NME9: variants seen among roughly 807,000 people sequenced by gnomAD.
NME9 encodes the protein thioredoxin domain-containing protein 6.
NME9 carries 48 observed loss-of-function variants against 44.4 expected under a neutral mutation model. The observed-to-expected ratio is 1.08, with a 90% confidence interval of 0.86 to 1.37. The LOEUF (loss-of-function observed/expected upper bound fraction) is 1.37, where lower values mean the gene tolerates loss of function less well. NME9 is among the 40% of genes most tolerant of loss of function. NME9 has a pLI of 0.00. For synonymous variants in NME9, 139 were observed against 147.1 expected (o/e 0.94, Z 0.40); for missense variants, 325 against 405.2 (o/e 0.80, Z 1.70).
intron 6 of NME9, among the ~76,000 whole-genome samples, chr3:138,308,948 A>G (rs201598588): frequency 0.039 from 5,329 of 135,544 alleles, 59 homozygotes; most frequent in South Asian, 0.082. Context: ...ACTGAAAGAA[A>G]AAAAAAAAAA....
intron 8 of NME9, among the ~76,000 whole-genome samples, chr3:138,283,759 T>G (rs2050148967): frequency 6.6e-6 from 1 of 152,216 alleles, no homozygotes; most frequent in South Asian, 2.1e-4. Flanking sequence ...AGTGCAGTGG[T>G]TGTCCTCAAG....
rs375862913 is a variant in NME9 at position 138,279,935 on chromosome 3, C to T, written c.746-17349G>A. Among the ~76,000 whole-genome samples the T allele has an allele frequency of 1.2e-3, 185 of 151,746 alleles. 1 individual carries two copies. The highest frequency in any genetic ancestry group is 3.7e-3 in the African/African-American group (152 of 41,362). On this transcript the variant is annotated intron_variant, in intron 8 of 8. Transcript: ENST00000317876. ...TTTTTTTTTCTTGGAGACAGAGTCTCGCTGTGTCACCCAGGCTGGAGTGCA... is the reference window on the plus strand; with the variant it reads ...TTTTTTTTTCTTGGAGACAGAGTCTTGCTGTGTCACCCAGGCTGGAGTGCA...
chr3:138,274,332 G>T, intron 8 of NME9: 1 of 662,702 alleles, frequency 1.5e-6, no homozygotes, highest in Non-Finnish European at 2.6e-6. Flanking sequence ...AGTTCTATAT[G>T]CTATAGTGTT....
At chr3:138,303,030 G>C (rs1215247827) in intron 10 of NME9, among the ~76,000 whole-genome samples, 1 of 152,212 alleles carries the variant, frequency 6.6e-6, no homozygotes, top group Non-Finnish European at 1.5e-5. Context: ...CTAAACAACG[G>C]TCATGCATTG....
chr3:138,271,608 A>G (rs756001951), intron 8 of NME9, among the ~76,000 whole-genome samples: 1 of 152,136 alleles, frequency 6.6e-6, no homozygotes, highest in African/African-American at 2.4e-5. Flanking sequence ...TCTCTCTGCA[A>G]AATATAAAAC....
intron 8 of NME9, among the ~76,000 whole-genome samples, chr3:138,279,576 C>T (rs1054745066): frequency 7.9e-5 from 12 of 151,960 alleles, no homozygotes; most frequent in African/African-American, 9.7e-5. Context: ...TGGAGGTGTT[C>T]GCTCTTCAAT....
At chr3:138,287,199 C>T (rs1227608130) in intron 8 of NME9, among the ~76,000 whole-genome samples, 2 of 152,228 alleles carry the variant, frequency 1.3e-5, no homozygotes, top group Admixed American at 1.3e-4. Flanking sequence ...GGCTTCCTCT[C>T]AACACAGAAT....
At chr3:138,319,849 A>T (rs998995226) in intron 2 of NME9, among the ~76,000 whole-genome samples, 20 of 152,226 alleles carry the variant, frequency 1.3e-4, no homozygotes, top group Admixed American at 2.0e-4. Flanking sequence ...CTTTATCTTA[A>T]GGGTTCTTCA....
intron 1 of NME9, among the ~76,000 whole-genome samples, chr3:138,326,778 T>C (rs2108469887): frequency 6.6e-6 from 1 of 151,976 alleles, no homozygotes; most frequent in Non-Finnish European, 1.5e-5. Flanking sequence ...TGTGTCCCTC[T>C]AAAAAAGATA....
chr3:138,290,923 A>G (rs2050879649), intron 8 of NME9, among the ~76,000 whole-genome samples: 2 of 152,356 alleles, frequency 1.3e-5, no homozygotes, highest in South Asian at 4.1e-4. Flanking sequence ...GATCATTAGA[A>G]TAGACATGCA....
intron 8 of NME9, among the ~76,000 whole-genome samples, chr3:138,289,989 T>C (rs2050786455): frequency 6.6e-6 from 1 of 152,206 alleles, no homozygotes; most frequent in Non-Finnish European, 1.5e-5. Flanking sequence ...AGATACCACG[T>C]ACCACTTGTG....
At chr3:138,305,567 G>A (rs559850685) in intron 8 of NME9, among the ~76,000 whole-genome samples, 4 of 152,206 alleles carry the variant, frequency 2.6e-5, no homozygotes, top group African/African-American at 9.6e-5. Context: ...TGAGAGGAAG[G>A]GTTCTGACCC....
chr3:138,319,926 T>C (rs1297202420), intron 2 of NME9, among the ~76,000 whole-genome samples: 4 of 152,186 alleles, frequency 2.6e-5, no homozygotes, highest in African/African-American at 4.8e-5. Context: ...ACTGAAACTG[T>C]CTATTCTAAA....
At chr3:138,279,963 G>A (rs1271131155) in intron 8 of NME9, among the ~76,000 whole-genome samples, 1 of 151,826 alleles carries the variant, frequency 6.6e-6, no homozygotes, top group African/African-American at 2.4e-5. Context: ...GGAGTGCAGT[G>A]GCTGATCTCG....
intron 6 of NME9, among the ~76,000 whole-genome samples, chr3:138,310,030 AAAG>A (rs2052583958): frequency 1.3e-5 from 2 of 152,108 alleles, no homozygotes; most frequent in Non-Finnish European, 2.9e-5. Context: ...AAAAAAAAGA[AAAG>A]AAACCAAGAC....
intron 2 of NME9, chr3:138,324,469 A>G: frequency 2.2e-6 from 1 of 460,506 alleles, no homozygotes; most frequent in Non-Finnish European, 4.4e-6. Context: ...AGGCCCATAG[A>G]CAGTGGCCTG....
downstream of NME9, among the ~76,000 whole-genome samples, chr3:138,298,625 C>G (rs2051680531): frequency 1.3e-5 from 2 of 152,090 alleles, no homozygotes; most frequent in Admixed American, 1.3e-4. Flanking sequence ...GTGGCCACTC[C>G]CAGCCACAAG....
chr3:138,284,395 AG>A, intron 8 of NME9: 1 of 1,537,480 alleles, frequency 6.5e-7, no homozygotes, highest in Non-Finnish European at 9.0e-7. Context: ...GGGACTTCAG[AG>A]CTTTCCTGAC....
chr3:138,278,028 C>A (rs764428124), intron 8 of NME9, among the ~76,000 whole-genome samples: 23 of 152,210 alleles, frequency 1.5e-4, no homozygotes, highest in Admixed American at 5.2e-4. Flanking sequence ...TATATGATCC[C>A]ATCTATATGA....
Sources: allele counts gnomAD v4.1 joint callset (sites outside exome capture counted in the v4.1 genomes callset), GRCh38; gene constraint gnomAD v4.1.1; transcripts MANE v1.5; gene names NCBI Gene and HGNC (gene_info 2026-07-23, HGNC 2026-07-21).